Variants in DCDC1 observed in about 807,000 individuals in gnomAD.
DCDC1 encodes the protein doublecortin domain-containing protein 1.
A neutral mutation model predicts 178.3 loss-of-function variants in DCDC1; 200 were observed. The observed-to-expected ratio is 1.12, with a 90% CI of 1.00 to 1.26. The LOEUF (loss-of-function observed/expected upper bound fraction) is 1.26. DCDC1 is among the 50% of genes most tolerant of loss of function. The pLI, the probability that DCDC1 is intolerant of heterozygous loss-of-function variation, is 0.00. For missense variants in DCDC1, 1,983 were observed against 1,749.2 expected (o/e 1.13, Z -2.38); for synonymous variants, 690 against 604.8 (o/e 1.14, Z -2.07).
At chr11:31,017,001 T>A (rs1366259503) in intron 20 of DCDC1, among the ~76,000 whole-genome samples, 4 of 152,228 alleles carry the variant, frequency 2.6e-5, no homozygotes, top group Non-Finnish European at 5.9e-5. Context: ...TGTTTGATTG[T>A]CCAGTCATAA....
intron 20 of DCDC1, among the ~76,000 whole-genome samples, chr11:31,017,827 A>C (rs1952589055): frequency 6.6e-6 from 1 of 152,160 alleles, no homozygotes; most frequent in Admixed American, 6.5e-5. Flanking sequence ...TTGTGGACTC[A>C]AGTGGTCCTC....
intron 20 of DCDC1, among the ~76,000 whole-genome samples, chr11:31,043,823 CTT>C (rs61372876): frequency 2.8e-5 from 4 of 142,290 alleles, no homozygotes; most frequent in Admixed American, 7.0e-5. Flanking sequence ...TTTTTGTTTT[CTT>C]TTTTTTTTTT....
rs267602843 is a variant in DCDC1 at position 31,094,089 on chromosome 11, C to T, written c.2079G>A (p.Ser693=). The T allele has an allele frequency of 2.6e-6, 2 of 766,110 alleles. No individual in the cohort carries two copies. Among genetic ancestry groups the T allele is most frequent in the Non-Finnish European group, 4.8e-6 (2 of 417,808 alleles). The allele number at this position is 766,110 out of a possible 1,614,324, so 47.5% of individuals were successfully genotyped here. The change falls in exon 16 of 39, where the codon TCG becomes TCA. Residue 693 remains serine, a synonymous_variant. Coordinates refer to ENST00000684477, the MANE Select transcript of DCDC1 (RefSeq NM_001387274.1). ...ACACACTGGCTACAGGCCACAGGATCGATGGCGCTATTTGACTCCTGCTGC... is the reference window on the plus strand; with the variant it reads ...ACACACTGGCTACAGGCCACAGGATTGATGGCGCTATTTGACTCCTGCTGC... ...EASSRSQIAP[S]ILWPVASVWL...
intron 20 of DCDC1, among the ~76,000 whole-genome samples, chr11:30,960,915 C>T (rs1447564328): frequency 6.6e-6 from 1 of 152,032 alleles, no homozygotes; most frequent in African/African-American, 2.4e-5. Flanking sequence ...TATCTACTTC[C>T]ATGGATAGGA....
At chr11:31,016,502 A>C (rs1252355751) in intron 20 of DCDC1, among the ~76,000 whole-genome samples, 1 of 152,248 alleles carries the variant, frequency 6.6e-6, no homozygotes, top group Non-Finnish European at 1.5e-5. Flanking sequence ...AATCACATGA[A>C]GTGTTATATG....
chr11:31,197,111 T>A (rs766596834), intron 9 of DCDC1, among the ~76,000 whole-genome samples: 8 of 152,076 alleles, frequency 5.3e-5, no homozygotes, highest in Admixed American at 1.3e-4. Flanking sequence ...TATTTTTATG[T>A]CACAGGGTGC....
At position 30,997,264 on chromosome 11, in the gene DCDC1, A is replaced by G. The variant is rs1440666092; in HGVS notation, c.2592-44696T>C. On this transcript the variant is annotated intron_variant, in intron 20 of 38. Coordinates refer to ENST00000684477, the MANE Select transcript of DCDC1 (RefSeq NM_001387274.1). ...CTGTTCTTTATGATACTGGAGTGGT[A>G]AATACATGACTATGCATTTGTCAAA... 2.6e-5 allele frequency among the ~76,000 whole-genome samples: 4 copies of G among 152,352 alleles called. No homozygotes were observed. The East Asian group carries it at 7.7e-4, about 29-fold the overall frequency.
At position 31,077,802 on chromosome 11, in the gene DCDC1, C is replaced by G. The variant is rs900577607; in HGVS notation, c.2298+63G>C. On this transcript the variant is annotated intron_variant, in intron 18 of 38. Transcript: ENST00000684477. Reference sequence around the variant, plus strand: ...CTTGCTCTAAACAATAGATAGTACCCTTTATAAGAATCTGGGAATAGAAAA... The same window carrying G: ...CTTGCTCTAAACAATAGATAGTACCGTTTATAAGAATCTGGGAATAGAAAA... 1.3e-5 allele frequency: 10 copies of G among 745,836 alleles called. No homozygotes were observed. In the African/African-American group the frequency reaches 1.7e-4, roughly 13 times the overall value. 46.2% of individuals were successfully genotyped at this position (745,836 alleles called of 1,614,324 possible).
chr11:30,920,536 G>A (rs1469472145), intron 25 of DCDC1, among the ~76,000 whole-genome samples: 5 of 152,118 alleles, frequency 3.3e-5, no homozygotes, highest in Admixed American at 3.3e-4. Context: ...TAAAATTCTA[G>A]CCTCTTAAAA....
chr11:31,051,313 A>T (rs966952578), intron 20 of DCDC1, among the ~76,000 whole-genome samples: 6 of 152,204 alleles, frequency 3.9e-5, no homozygotes, highest in Admixed American at 3.9e-4. Context: ...AGCCTCCAAG[A>T]AGTCTGGGAT....
chr11:30,964,854 G>A (rs752904552), intron 20 of DCDC1, among the ~76,000 whole-genome samples: 3 of 152,130 alleles, frequency 2.0e-5, no homozygotes, highest in South Asian at 4.1e-4. Context: ...TTTGCACGAA[G>A]AATGTTCATC....
At chr11:30,953,888 C>T (rs112579657) in intron 20 of DCDC1, among the ~76,000 whole-genome samples, 3,119 of 151,134 alleles carry the variant, frequency 0.021, 98 homozygotes, top group African/African-American at 0.071. Flanking sequence ...GCAAATAAAT[C>T]TAGATGAATA....
chr11:30,906,907 A>G (rs1945104165), intron 29 of DCDC1, among the ~76,000 whole-genome samples, 182 bp from the exon 30 acceptor site: 1 of 152,176 alleles, frequency 6.6e-6, no homozygotes, highest in South Asian at 2.1e-4. Context: ...AATTTAAAGT[A>G]TTTCCAAATT....
chr11:31,339,106 T>C (rs1334892960), intron 1 of DCDC1, among the ~76,000 whole-genome samples: 2 of 152,186 alleles, frequency 1.3e-5, no homozygotes, highest in Non-Finnish European at 2.9e-5. Flanking sequence ...TGAAATAGAC[T>C]TCTTTTTTCC....
chr11:30,921,705 G>C (rs1946257677), intron 24 of DCDC1, among the ~76,000 whole-genome samples: 1 of 152,116 alleles, frequency 6.6e-6, no homozygotes, highest in East Asian at 1.9e-4. Flanking sequence ...CTCTCTACAG[G>C]CTTCACTTTG....
At chr11:31,237,508 A>G (rs1976607857) in intron 9 of DCDC1, among the ~76,000 whole-genome samples, 1 of 151,968 alleles carries the variant, frequency 6.6e-6, no homozygotes, top group South Asian at 2.1e-4. Flanking sequence ...TAATAAACAA[A>G]AGAGACTACA....
At chr11:31,294,808 AAGAAAG>A (rs1413858578) in intron 6 of DCDC1, among the ~76,000 whole-genome samples, 2 of 50,712 alleles carry the variant, frequency 3.9e-5, no homozygotes, top group South Asian at 7.2e-4. Flanking sequence ...AAAAGAAAGA[AAGAAAG>A]AAAGAAAGAA....
chr11:31,065,661 A>G (rs1956207121), intron 18 of DCDC1, among the ~76,000 whole-genome samples: 1 of 152,202 alleles, frequency 6.6e-6, no homozygotes, highest in Non-Finnish European at 1.5e-5. Flanking sequence ...AAGGGCTAGA[A>G]AGACAAAATA....
At chr11:31,281,397 T>C (rs1406715366) in intron 7 of DCDC1, among the ~76,000 whole-genome samples, 1 of 152,268 alleles carries the variant, frequency 6.6e-6, no homozygotes, top group South Asian at 2.1e-4. Flanking sequence ...TAGACATTCT[T>C]GACCAGATTG....
Sources: gnomAD v4.1 joint callset for allele counts (sites outside exome capture counted in the v4.1 genomes callset) on GRCh38, gnomAD v4.1.1 for gene constraint, MANE v1.5 for transcripts, NCBI Gene and HGNC (gene_info 2026-07-23, HGNC 2026-07-21) for gene names.